Variants in CAPN7 observed in about 807,000 individuals in gnomAD.
CAPN7 encodes calpain-7.
In CAPN7, 72 loss-of-function variants were observed where a neutral mutation model predicts 115.2. The observed-to-expected ratio is 0.63, with a 90% confidence interval of 0.52 to 0.76. CAPN7 has a LOEUF of 0.76. Among genes scored for constraint, CAPN7 ranks in the 30% least tolerant of loss-of-function variants. The probability of loss-of-function intolerance (pLI) is 0.00; values close to 1 mark genes in which losing one functional copy is unlikely to be tolerated. For synonymous variants in CAPN7, 344 were observed against 322.3 expected, an observed-to-expected ratio of 1.07 and a Z score of -0.72; for missense variants, 905 against 971.5, an observed-to-expected ratio of 0.93 and a Z score of 0.91.
chr3:15,241,559 G>C lies in CAPN7; in HGVS notation c.1759G>C (p.Val587Leu), dbSNP rs747207720. The change falls in exon 15 of 21, where the codon GTT (valine) becomes CTT (leucine). Residue 587 changes from valine (V) to leucine (L), a missense_variant. By Grantham distance (32) the Val-to-Leu change is conservative. Transcript: ENST00000253693. ...QCPQGGAAVWVLLSRHITDKD... is the reference protein window; with the variant it reads ...QCPQGGAAVWLLLSRHITDKD... ...TCCACAGGGGGGTGCTGCAGTTTGG[G>C]TTTTGCTTAGTAGACACATAACAGA... The C allele has an allele frequency of 3.7e-6, 6 of 1,614,008 alleles. No homozygotes were observed. In the Admixed American group the frequency reaches 1.0e-4, roughly 27 times the overall value.
chr3:15,223,690 G>GA, intron 6 of CAPN7, 129 bp downstream of exon 6: 1 of 621,152 alleles, frequency 1.6e-6, no homozygotes, highest in Non-Finnish European at 2.8e-6. Context: ...GTGGCTGTGG[G>GA]AAAGGGATAG....
chr3:15,208,746 G>C (rs1019497247), intron 1 of CAPN7, among the ~76,000 whole-genome samples: 7 of 152,022 alleles, frequency 4.6e-5, no homozygotes, highest in Non-Finnish European at 1.0e-4. Flanking sequence ...AAATTACCGG[G>C]GACAGAATTG....
In CAPN7 at chr3:15,212,135, T is replaced by A. The variant is rs774324879; in HGVS notation, c.134T>A (p.Met45Lys). The A allele has an allele frequency of 1.2e-6, 2 of 1,610,986 alleles. No homozygotes were observed. The highest frequency in any genetic ancestry group is 1.7e-6 in the Non-Finnish European group (2 of 1,178,254). The change falls in exon 2 of 21, where the codon ATG becomes AAG. Residue 45 changes from methionine (M) to lysine (K), a missense_variant. Around this residue, in one of 3 missense-constraint regions of CAPN7, gnomAD observed 271 missense variants for 239.6 expected, o/e 1.13. Coordinates refer to ENST00000253693, the MANE Select transcript of CAPN7 (RefSeq NM_014296.3). ...EAAQALIYAE[M>K]AGSSLENIQE... is the part of the protein sequence containing the mutation. The stretch of plus-strand genomic sequence containing the variant: ...GCACAAGCCTTAATTTATGCTGAGA[T>A]GGCAGGATCAAGCCTAGAAAATATT...
chr3:15,236,000 C>T (rs78988883), intron 12 of CAPN7, among the ~76,000 whole-genome samples: 9,661 of 151,918 alleles, frequency 0.064, 372 homozygotes, highest in Admixed American at 0.12. Flanking sequence ...AAGACCCCAC[C>T]GCTACAAAAA....
At chr3:15,243,794 GGGAGGGTGGGA>G (rs1470992492) in intron 16 of CAPN7, among the ~76,000 whole-genome samples, 3 of 152,174 alleles carry the variant, frequency 2.0e-5, no homozygotes, top group African/African-American at 7.2e-5. Context: ...TTGAAGTGGG[GGGAGGGTGGGA>G]GGAGGGAGAG....
rs551911524 is a variant in CAPN7 at position 15,206,493 on chromosome 3, G to C, written c.-3G>C. 7.1e-6 allele frequency: 11 copies of C among 1,545,082 alleles called. No homozygotes were observed. Among genetic ancestry groups the C allele is most frequent in the Non-Finnish European group, 9.6e-6 (11 of 1,145,214 alleles). ...CCCTGCCCCGGCGCGGGGCCACTGC[G>C]CCATGGACGCCACAGCACTGGAGCG... On this transcript the variant is annotated 5_prime_UTR_variant, in exon 1 of 21. Coordinates refer to ENST00000253693, the MANE Select transcript of CAPN7 (RefSeq NM_014296.3).
chr3:15,210,899 C>T, intron 1 of CAPN7: 1 of 1,281,034 alleles, frequency 7.8e-7, no homozygotes, highest in Non-Finnish European at 1.0e-6. Flanking sequence ...ATGAAGTGTA[C>T]ACGCTTGGGT....
chr3:15,250,835 A>G, intron 19 of CAPN7, 96 bp from the exon 20 acceptor site: 1 of 830,506 alleles, frequency 1.2e-6, no homozygotes, highest in South Asian at 1.6e-5. Flanking sequence ...TCAGAAACAT[A>G]AACTTAGTAT....
intron 15 of CAPN7, 36 bp from the exon 16 acceptor site, chr3:15,242,142 C>T (rs376569096): frequency 4.4e-6 from 6 of 1,374,482 alleles, no homozygotes; most frequent in African/African-American, 4.3e-5. Flanking sequence ...ATTTTGAACC[C>T]ATTTTCTAAC....
At position 15,227,826 on chromosome 3, in the gene CAPN7, A is replaced by T; in HGVS notation, c.726-13A>T. ...GATTAATTTTTTTATTTTAATTTTT[A>T]TTATTACCTCAGTGATAGATGGGGC... On this transcript the variant is annotated splice_polypyrimidine_tract_variant and intron_variant, in intron 6 of 20. Transcript: ENST00000253693. 2.8e-6 allele frequency: 4 copies of T among 1,416,754 alleles called. No individual in the cohort carries two copies. The highest frequency in any genetic ancestry group is 3.7e-6 in the Non-Finnish European group (4 of 1,071,276). 87.8% of individuals were successfully genotyped at this position (1,416,754 alleles called of 1,614,324 possible).
chr3:15,208,570 A>G (rs2044760101), intron 1 of CAPN7, among the ~76,000 whole-genome samples: 1 of 150,276 alleles, frequency 6.7e-6, no homozygotes, highest in African/African-American at 2.5e-5. Flanking sequence ...TGCTGGAATT[A>G]CAGGCGTGAG....
rs2124996545 is a variant in CAPN7 at position 15,241,510 on chromosome 3, C to T, written c.1710C>T (p.Pro570=). 6.2e-7 allele frequency: 1 copy of T among 1,614,088 alleles called. No individual in the cohort carries two copies. Among genetic ancestry groups the T allele is most frequent in the South Asian group, 1.1e-5 (1 of 91,080 alleles). ...VKDAYSLANN[P]QYKLEVQCPQ... is the part of the protein sequence containing the mutation. ...ATGCCTATAGCCTGGCCAACAACCC[C>T]CAGTACAAACTGGAGGTGCAGTGTC... The change falls in exon 15 of 21, where the codon CCC becomes CCT. Residue 570 remains proline, a synonymous_variant. Transcript: ENST00000253693.
intron 6 of CAPN7, among the ~76,000 whole-genome samples, chr3:15,225,338 ATTG>A (rs1694249770): frequency 1.3e-5 from 2 of 152,202 alleles, no homozygotes; most frequent in South Asian, 2.1e-4. Flanking sequence ...GCGATTTATC[ATTG>A]TTGTTATAAT....
intron 4 of CAPN7, among the ~76,000 whole-genome samples, chr3:15,220,437 T>C (rs897524603): frequency 3.9e-5 from 6 of 152,148 alleles, no homozygotes; most frequent in Non-Finnish European, 7.4e-5. Context: ...ACTTTCATCC[T>C]AGTATCTGTT....
chr3:15,240,819 C>T lies in CAPN7; in HGVS notation c.1618C>T (p.Pro540Ser). Residue 540 changes from proline to serine, a missense_variant, in exon 14 of 21, where the codon CCA (proline) becomes TCA (serine). Coordinates refer to ENST00000253693, the MANE Select transcript of CAPN7 (RefSeq NM_014296.3). ...TGATGTGATTTATTTGAGTTGGAAT[C>T]CAGGTCTTTTTAAAGAATCAACATG... ...YYDVIYLSWN[P>S]GLFKESTCIH... 2.5e-6 allele frequency: 4 copies of T among 1,612,318 alleles called. No homozygotes were observed. The highest frequency in any genetic ancestry group is 3.4e-6 in the Non-Finnish European group (4 of 1,178,614).
rs146000488 is a variant in CAPN7 at position 15,244,362 on chromosome 3, G to T, written c.1865-1164G>T. 7.2e-3 allele frequency among the ~76,000 whole-genome samples: 1,102 copies of T among 152,162 alleles called. 12 individuals carry two copies. The highest frequency in any genetic ancestry group is 0.023 in the African/African-American group (970 of 41,512). ...GCTCCATCTTATGTATAGTGATTTT[G>T]CCTTTTCAGAATACTTTCATGTTTA... On this transcript the variant is annotated intron_variant, in intron 16 of 20. Transcript: ENST00000253693.
intron 17 of CAPN7, chr3:15,246,531 G>A: frequency 1.8e-6 from 1 of 548,002 alleles, no homozygotes; most frequent in South Asian, 2.2e-5. Flanking sequence ...TTGTCCTGAG[G>A]CATACAGTTA....
intron 10 of CAPN7, 142 bp downstream of exon 10, chr3:15,232,807 C>G: frequency 1.6e-6 from 1 of 635,906 alleles, no homozygotes; most frequent in Non-Finnish European, 2.6e-6. Context: ...GACCAGTCCC[C>G]GTATTATGGG....
intron 6 of CAPN7, among the ~76,000 whole-genome samples, chr3:15,226,032 TAATAA>T (rs1694292757): frequency 6.6e-6 from 1 of 152,172 alleles, no homozygotes. Context: ...ACTTTTAAAA[TAATAA>T]AATAAGCATT....
Sources: allele counts gnomAD v4.1 joint callset (sites outside exome capture counted in the v4.1 genomes callset), GRCh38; gene constraint gnomAD v4.1.1; regional missense constraint gnomAD v4.1.1; transcripts MANE v1.5; gene names NCBI Gene and HGNC (gene_info 2026-07-23, HGNC 2026-07-21).